The following SHROOM4 variants were observed in gnomAD, a reference collection of about 807,000 sequenced individuals.
The protein encoded by SHROOM4 is shroom family member 4.
SHROOM4 carries 17 observed loss-of-function variants against 80.3 expected under a neutral mutation model. The ratio of observed to expected loss-of-function variants is 0.21; its 90% CI spans 0.14 to 0.32. The LOEUF (loss-of-function observed/expected upper bound fraction) is 0.32. Ranked by LOEUF, SHROOM4 falls within the 10% of genes least tolerant of loss-of-function variation. The pLI, the probability that SHROOM4 is intolerant of heterozygous loss-of-function variation, is 1.00. For synonymous variants in SHROOM4, 400 were observed against 437.5 expected (o/e 0.91, Z 1.07); for missense variants, 993 against 1,140.3 (o/e 0.87, Z 1.86).
At chrX:50,646,505 T>C (rs1324688720) in intron 2 of SHROOM4, among the ~76,000 whole-genome samples, 1 of 105,197 alleles carries the variant, frequency 9.5e-6, no homozygotes, top group Non-Finnish European at 1.9e-5. Context: ...TTCCTTATTA[T>C]AGACCCAACC....
At chrX:50,759,637 T>C (rs2147622825) in intron 1 of SHROOM4, among the ~76,000 whole-genome samples, 1 of 112,118 alleles carries the variant, frequency 8.9e-6, no homozygotes, top group South Asian at 3.7e-4. Context: ...AATCTCCTAG[T>C]TTCTTAAGGC....
chrX:50,699,269 C>T (rs782735158), intron 1 of SHROOM4, among the ~76,000 whole-genome samples: 21 of 112,060 alleles, frequency 1.9e-4, no homozygotes, highest in African/African-American at 6.8e-4. Context: ...TAACCAAAAG[C>T]CAGGTGGTGC....
intron 1 of SHROOM4, among the ~76,000 whole-genome samples, chrX:50,711,014 C>T (rs1557264356): frequency 1.8e-5 from 2 of 111,895 alleles, no homozygotes; most frequent in African/African-American, 6.5e-5. Flanking sequence ...TAAACAAACA[C>T]AGATGAAAGA....
At position 50,587,657 on chromosome X, in the gene SHROOM4, T is replaced by A. The variant is rs192919474; in HGVS notation, c.*9038A>T. On this transcript the variant is annotated 3_prime_UTR_variant, in exon 9 of 9. Coordinates refer to ENST00000376020, the MANE Select transcript of SHROOM4 (RefSeq NM_020717.5). ...ATTTATACTTATCTATCTCTTTCAT[T>A]AGGATAAAAGCCCCACGAGAGTGGG... 4.9e-4 allele frequency among the ~76,000 whole-genome samples: 55 copies of A among 112,292 alleles called. No individual in the cohort carries two copies. Among genetic ancestry groups the A allele is most frequent in the African/African-American group, 1.7e-3 (52 of 30,978 alleles).
intron 1 of SHROOM4, among the ~76,000 whole-genome samples, chrX:50,739,597 G>T (rs1557267056): frequency 9.1e-6 from 1 of 110,184 alleles, no homozygotes; most frequent in African/African-American, 3.3e-5. Flanking sequence ...ATCATCACTG[G>T]CCATCAGAGA....
chrX:50,730,490 T>C (rs1490738443), intron 1 of SHROOM4, among the ~76,000 whole-genome samples: 2 of 110,748 alleles, frequency 1.8e-5, no homozygotes, highest in Non-Finnish European at 3.8e-5. Context: ...GAACATTAAC[T>C]ACAGGCCTGG....
At chrX:50,682,462 C>T (rs781922803) in intron 2 of SHROOM4, among the ~76,000 whole-genome samples, 1 of 111,535 alleles carries the variant, frequency 9.0e-6, no homozygotes, top group Admixed American at 9.6e-5. Context: ...CCCTGCTAAG[C>T]ACTATGATCA....
At chrX:50,702,669 G>A (rs1339035739) in intron 1 of SHROOM4, among the ~76,000 whole-genome samples, 1 of 111,761 alleles carries the variant, frequency 8.9e-6, no homozygotes, top group Non-Finnish European at 1.9e-5. Context: ...TTTTTGGGGG[G>A]TGCTAGAAAT....
At position 50,634,325 on chromosome X, in the gene SHROOM4, C is replaced by G; in HGVS notation, c.1748G>C (p.Arg583Pro). The change falls in exon 4 of 9, where the codon CGG (arginine) becomes CCG (proline). Residue 583 changes from arginine (R) to proline (P), a missense_variant. Transcript: ENST00000376020. The part of the protein sequence containing the change: ...GTRGRSIQNR[R>P]KSERFATNLR... ...ATTGGTAGCAAAACGCTCACTCTTC[C>G]GCCGGTTTTGGATCGAGCGGCCCCG... 8.3e-7 allele frequency: 1 copy of G among 1,211,198 alleles called. No individual in the cohort carries two copies. The highest frequency in any genetic ancestry group is 1.1e-6 in the Non-Finnish European group (1 of 895,446).
chrX:50,717,775 G>A (rs1229195405), intron 1 of SHROOM4, among the ~76,000 whole-genome samples: 1 of 111,897 alleles, frequency 8.9e-6, no homozygotes, highest in African/African-American at 3.2e-5. Flanking sequence ...AATCTCAAAA[G>A]GCTTTCCAGC....
Position 50,635,003 on chromosome X carries a change from T to C in SHROOM4, c.1070A>G (p.His357Arg). The C allele has an allele frequency of 8.2e-7, 1 of 1,212,341 alleles. No individual in the cohort carries two copies. Among genetic ancestry groups the C allele is most frequent in the Non-Finnish European group, 1.1e-6 (1 of 895,641 alleles). ...TTTGGTTGAGGCCTGCATCAGTAGA[T>C]GCTCAGAGCCCTGTTGGCTGGATTC... ...PPESSQQGSE[H>R]LLMQASTKAV... Residue 357 changes from histidine to arginine, a missense_variant, in exon 4 of 9, where the codon CAT becomes CGT. His to Arg is a conservative substitution (Grantham distance 29). Coordinates refer to ENST00000376020, the MANE Select transcript of SHROOM4 (RefSeq NM_020717.5).
chrX:50,609,132 C>A lies in SHROOM4; in HGVS notation c.2958-948G>T, dbSNP rs12010204. On this transcript the variant is annotated intron_variant, in intron 5 of 8. Transcript: ENST00000376020. ...TTTTAATTAGCTGTGCATGATGGTG[C>A]GTGCCTTTAGTCCCAGCTACATGGG... is the stretch of plus-strand genomic sequence containing the variant. Among the ~76,000 whole-genome samples, 8 of 108,930 alleles carry A rather than the reference C, an allele frequency of 7.3e-5. No individual in the cohort carries two copies. In the East Asian group the frequency reaches 2.0e-3, roughly 27 times the overall value. 94.6% of individuals were successfully genotyped at this position (108,930 alleles called of 115,157 possible).
At chrX:50,581,745 C>T in the SHROOM4 span, among the ~76,000 whole-genome samples, 2 of 111,917 alleles carry the variant, frequency 1.8e-5, no homozygotes, top group African/African-American at 6.5e-5. Context: ...ATGCCCTAAG[C>T]TTTTAAGAGA....
At chrX:50,620,559 C>T (rs1557251804) in intron 5 of SHROOM4, among the ~76,000 whole-genome samples, 1 of 112,007 alleles carries the variant, frequency 8.9e-6, no homozygotes, top group Non-Finnish European at 1.9e-5. Context: ...AACCCAGAAA[C>T]ACATACTCTT....
rs2147205092 is a variant in SHROOM4 at position 50,596,512 on chromosome X, T to G, written c.*183A>C. The G allele has an allele frequency of 1.7e-6, 1 of 605,983 alleles. No individual in the cohort carries two copies. The highest frequency in any genetic ancestry group is 3.6e-5 in the East Asian group (1 of 28,085). The allele number at this position is 605,983 out of a possible 1,213,427, so 49.9% of individuals were successfully genotyped here. ...GCTCCCTTGGGTAGAAGCTTGTGGC[T>G]TCCCCAGGGTCTCCTAGCTGGTTAG... On this transcript the variant is annotated 3_prime_UTR_variant, in exon 9 of 9. Transcript: ENST00000376020.
rs1932895675 is a variant in SHROOM4, at chrX:50,679,240, G to GA, written c.269+16545dup. On this transcript the variant is annotated intron_variant, in intron 2 of 8. Transcript: ENST00000376020. The stretch of plus-strand genomic sequence containing the variant: ...GTTGATTTAAAAAGATAAGCATTGA[G>GA]AAAAGAACTTCCTCTTCTTTCCACC... 2.7e-5 allele frequency among the ~76,000 whole-genome samples: 3 copies of GA among 110,902 alleles called. No individual in the cohort carries two copies. The Admixed American group carries it at 2.9e-4, about 11-fold the overall frequency.
intron 1 of SHROOM4, among the ~76,000 whole-genome samples, chrX:50,808,852 T>G (rs781822201): frequency 9.0e-6 from 1 of 111,010 alleles, no homozygotes; most frequent in Non-Finnish European, 1.9e-5. Flanking sequence ...GCTTGACCTT[T>G]TTTAACTTCA....
intron 1 of SHROOM4, among the ~76,000 whole-genome samples, chrX:50,749,556 T>C (rs1415144581): frequency 1.8e-5 from 2 of 111,281 alleles, no homozygotes; most frequent in East Asian, 5.7e-4. Flanking sequence ...ACAGAAGTAG[T>C]AGGGATGGAA....
At chrX:50,643,249 G>A (rs782351550) in intron 2 of SHROOM4, 1 of 111,783 alleles carries the variant, frequency 8.9e-6, no homozygotes, top group African/African-American at 3.3e-5. Flanking sequence ...AAGAGATATT[G>A]AAGAAAGAAA....
Sources: allele counts gnomAD v4.1 joint callset (sites outside exome capture counted in the v4.1 genomes callset), GRCh38; gene constraint gnomAD v4.1.1; transcripts MANE v1.5; gene names NCBI Gene and HGNC (gene_info 2026-07-23, HGNC 2026-07-21).